Variants in STPG2 observed in about 807,000 individuals in gnomAD.
STPG2 encodes sperm-tail PG-rich repeat-containing protein 2.
STPG2 carries 56 observed loss-of-function variants against 54.2 expected under a neutral mutation model. The observed-to-expected ratio is 1.03, with a 90% CI of 0.83 to 1.29. STPG2 has a LOEUF of 1.29. STPG2 is among the 50% of genes most tolerant of loss of function. The pLI, the probability that STPG2 is intolerant of heterozygous loss-of-function variation, is 0.00. For missense variants in STPG2, 596 were observed against 544.9 expected (o/e 1.09, Z -0.93); for synonymous variants, 200 against 181.8 (o/e 1.10, Z -0.81).
chr4:97,640,768 T>TTC (rs1335390759), intron 10 of STPG2, among the ~76,000 whole-genome samples: 2 of 151,208 alleles, frequency 1.3e-5, no homozygotes, highest in Admixed American at 1.3e-4. Context: ...ATATTGAAAA[T>TTC]TAAAGATTTA....
At chr4:97,553,718 A>G (rs1230246353) in intron 4 of STPG2, among the ~76,000 whole-genome samples, 1 of 152,200 alleles carries the variant, frequency 6.6e-6, no homozygotes, top group Non-Finnish European at 1.5e-5. Flanking sequence ...ACTTGGTAAG[A>G]CTATTTTGTC....
intron 7 of STPG2, among the ~76,000 whole-genome samples, chr4:97,946,498 C>G (rs535131113): frequency 6.6e-6 from 1 of 151,944 alleles, no homozygotes; most frequent in Non-Finnish European, 1.5e-5. Context: ...GTTTTTCTTA[C>G]GTTATCTTCT....
At chr4:97,918,295 G>A (rs763833638) in intron 8 of STPG2, among the ~76,000 whole-genome samples, 1 of 152,080 alleles carries the variant, frequency 6.6e-6, no homozygotes. Context: ...AGATAACCAA[G>A]ATGTTCCAGA....
intron 4 of STPG2, among the ~76,000 whole-genome samples, chr4:97,533,157 A>G (rs1196099066): frequency 6.6e-6 from 1 of 152,220 alleles, no homozygotes; most frequent in Non-Finnish European, 1.5e-5. Flanking sequence ...CTGGGATTAC[A>G]GGCATAAGCC....
At chr4:97,942,892 T>C (rs1013501688) in intron 8 of STPG2, among the ~76,000 whole-genome samples, 4 of 152,218 alleles carry the variant, frequency 2.6e-5, no homozygotes, top group Admixed American at 6.5e-5. Context: ...TAGTCCAATT[T>C]CTACAAAAAT....
intron 8 of STPG2, among the ~76,000 whole-genome samples, chr4:97,922,360 T>G (rs1217671528): frequency 6.6e-6 from 1 of 152,134 alleles, no homozygotes; most frequent in Non-Finnish European, 1.5e-5. Flanking sequence ...ACCATAAATT[T>G]AAAATGTATA....
At chr4:98,000,973 AT>A (rs1490237797) in intron 5 of STPG2, among the ~76,000 whole-genome samples, 1 of 152,160 alleles carries the variant, frequency 6.6e-6, no homozygotes, top group African/African-American at 2.4e-5. Flanking sequence ...GTTTTACTGT[AT>A]ATTAGTATTG....
At chr4:97,853,076 A>C (rs1729219990) in intron 8 of STPG2, among the ~76,000 whole-genome samples, 1 of 135,358 alleles carries the variant, frequency 7.4e-6, no homozygotes, top group South Asian at 2.3e-4. Flanking sequence ...TCCCGGGTTC[A>C]CGCCATTCCC....
At chr4:97,669,305 A>G (rs980829125) in intron 10 of STPG2, among the ~76,000 whole-genome samples, 3 of 152,170 alleles carry the variant, frequency 2.0e-5, no homozygotes, top group African/African-American at 7.2e-5. Flanking sequence ...CATACCCAGT[A>G]TATTAAAAGT....
intron 4 of STPG2, among the ~76,000 whole-genome samples, chr4:97,497,223 A>G (rs1007185875): frequency 2.6e-5 from 4 of 151,824 alleles, no homozygotes; most frequent in Admixed American, 6.6e-5. Flanking sequence ...TCAATCTAAG[A>G]AAAGCTAGAA....
intron 10 of STPG2, among the ~76,000 whole-genome samples, chr4:97,563,196 T>A (rs1416775202): frequency 6.6e-6 from 1 of 152,324 alleles, no homozygotes; most frequent in Non-Finnish European, 1.5e-5. Flanking sequence ...AAGGAATTTA[T>A]CCATTTCTTC....
chr4:97,848,721 T>C (rs1332576107), intron 8 of STPG2, among the ~76,000 whole-genome samples: 1 of 152,036 alleles, frequency 6.6e-6, no homozygotes, highest in Non-Finnish European at 1.5e-5. Context: ...TACATATGGC[T>C]AGCCAGTTTT....
At chr4:98,111,822 G>C (rs1739369823) in intron 3 of STPG2, among the ~76,000 whole-genome samples, 1 of 152,104 alleles carries the variant, frequency 6.6e-6, no homozygotes, top group Admixed American at 6.6e-5. Context: ...AGAACAAAAA[G>C]ACAGAAGAAA....
chr4:97,806,660 A>T lies in STPG2; in HGVS notation c.1204+34113T>A, dbSNP rs888080220. Among the ~76,000 whole-genome samples, 3 of 152,154 alleles carry T rather than the reference A, an allele frequency of 2.0e-5. No individual in the cohort carries two copies. The East Asian group carries it at 5.8e-4, about 30-fold the overall frequency. ...AGTGCATTCACCCCTAATATAAACT[A>T]GGTTCATCAATGATAAAAATATCAT... On this transcript the variant is annotated intron_variant, in intron 9 of 10. Coordinates refer to ENST00000295268, the MANE Select transcript of STPG2 (RefSeq NM_174952.3).
intron 9 of STPG2, among the ~76,000 whole-genome samples, chr4:97,813,426 T>C (rs547874256): frequency 6.6e-6 from 1 of 152,080 alleles, no homozygotes; most frequent in Non-Finnish European, 1.5e-5. Context: ...GCACTTACTA[T>C]GCTATGGGTA....
intron 10 of STPG2, among the ~76,000 whole-genome samples, chr4:97,708,511 G>T (rs1466950132): frequency 1.3e-5 from 2 of 151,834 alleles, no homozygotes; most frequent in Admixed American, 6.6e-5. Context: ...AGCCTTGTTT[G>T]CCAGTGATTC....
At chr4:97,850,068 A>G (rs1729100745) in intron 8 of STPG2, among the ~76,000 whole-genome samples, 1 of 151,632 alleles carries the variant, frequency 6.6e-6, no homozygotes, top group Non-Finnish European at 1.5e-5. Context: ...TGGCACATAT[A>G]CATCATGGAA....
intron 10 of STPG2, among the ~76,000 whole-genome samples, chr4:97,677,411 T>C (rs1362278494): frequency 6.6e-6 from 1 of 152,096 alleles, no homozygotes; most frequent in African/African-American, 2.4e-5. Flanking sequence ...TTTCTGATAG[T>C]TTATAAAGCC....
In STPG2 at chr4:98,066,129, CCTAT is replaced by C. The variant is rs1201862145; in HGVS notation, c.612+39820_612+39823del. Among the ~76,000 whole-genome samples the C allele has an allele frequency of 7.4e-4, 112 of 151,790 alleles. 1 individual carries two copies. The highest frequency in any genetic ancestry group is 6.8e-3 in the Middle Eastern group (2 of 294). On this transcript the variant is annotated intron_variant, in intron 5 of 10. Transcript: ENST00000295268. The stretch of plus-strand genomic sequence containing the variant: ...GTTTATAATATATTTAAACATATAA[CCTAT>C]CTAAGTATGTAAAGTACTTTAGTGG...
Sources: gnomAD v4.1 joint callset for allele counts (sites outside exome capture counted in the v4.1 genomes callset) on GRCh38, gnomAD v4.1.1 for gene constraint, MANE v1.5 for transcripts, NCBI Gene and HGNC (gene_info 2026-07-23, HGNC 2026-07-21) for gene names.